The following PACRG variants were observed in gnomAD, a reference collection of about 807,000 sequenced individuals.
The protein encoded by PACRG is parkin coregulated.
Under a neutral mutation model 29.7 loss-of-function variants are expected in PACRG, and 29 were observed. The observed-to-expected ratio is 0.98, with a 90% CI of 0.73 to 1.33. PACRG has a LOEUF of 1.33. Ranked by LOEUF, PACRG falls within the 40% of genes most tolerant of loss-of-function variation. The pLI is 0.00. For synonymous variants in PACRG, 116 were observed against 118.7 expected (o/e 0.98, Z 0.15); for missense variants, 279 against 316.2 (o/e 0.88, Z 0.89).
At position 162,844,391 on chromosome 6, in the gene PACRG, C is replaced by T. The variant is rs79749516; in HGVS notation, c.291+30110C>T. On this transcript the variant is annotated intron_variant, in intron 2 of 4. Coordinates refer to ENST00000366888, the MANE Select transcript of PACRG (RefSeq NM_001080379.2). Reference sequence around the variant, plus strand: ...TGAGTCCGTCACCCCTCTCTGACTCCGAAGGGGAACTCCCTGACCCCTTGC... The same window carrying T: ...TGAGTCCGTCACCCCTCTCTGACTCTGAAGGGGAACTCCCTGACCCCTTGC... Among the ~76,000 whole-genome samples the T allele has an allele frequency of 3.9e-3, 599 of 152,296 alleles. 4 individuals are homozygous for T. The highest frequency in any genetic ancestry group is 0.012 in the African/African-American group (515 of 41,572).
chr6:163,201,820 A>G (rs1329763109), intron 4 of PACRG, among the ~76,000 whole-genome samples: 2 of 152,232 alleles, frequency 1.3e-5, no homozygotes. Context: ...CTCGAGGGCC[A>G]TTGACACAGT....
chr6:163,247,835 C>T (rs935087957), intron 4 of PACRG, among the ~76,000 whole-genome samples: 1 of 152,196 alleles, frequency 6.6e-6, no homozygotes, highest in Non-Finnish European at 1.5e-5. Flanking sequence ...GCACCTACCC[C>T]CAACTTCAAT....
At chr6:163,152,339 C>G (rs1367148306) in intron 4 of PACRG, among the ~76,000 whole-genome samples, 1 of 152,146 alleles carries the variant, frequency 6.6e-6, no homozygotes, top group Non-Finnish European at 1.5e-5. Context: ...AAACTTCTCT[C>G]GAAATCCTGT....
intron 3 of PACRG, among the ~76,000 whole-genome samples, chr6:163,075,946 G>A (rs1258262324): frequency 6.6e-6 from 1 of 152,162 alleles, no homozygotes; most frequent in Non-Finnish European, 1.5e-5. Context: ...AGTTGTTGCT[G>A]GTTCAGTACC....
intron 3 of PACRG, among the ~76,000 whole-genome samples, chr6:163,066,601 A>G (rs1811567626): frequency 6.6e-6 from 1 of 152,244 alleles, no homozygotes. Flanking sequence ...AAGTCAATGC[A>G]GAAGATAAAG....
At chr6:162,729,803 C>A (rs1779611397) in intron 1 of PACRG, among the ~76,000 whole-genome samples, 1 of 151,692 alleles carries the variant, frequency 6.6e-6, no homozygotes, top group Non-Finnish European at 1.5e-5. Flanking sequence ...TATAATCTTA[C>A]ACCTAAAGAG....
intron 2 of PACRG, among the ~76,000 whole-genome samples, chr6:162,906,006 G>C (rs978121090): frequency 6.6e-6 from 1 of 152,056 alleles, no homozygotes; most frequent in African/African-American, 2.4e-5. Flanking sequence ...TTTTCCTATC[G>C]AAGTTAGAAT....
intron 4 of PACRG, among the ~76,000 whole-genome samples, chr6:163,284,615 G>A (rs943184692): frequency 2.6e-5 from 4 of 152,162 alleles, no homozygotes; most frequent in African/African-American, 7.2e-5. Flanking sequence ...AAATAAAACC[G>A]GTATTGAAAC....
intron 2 of PACRG, among the ~76,000 whole-genome samples, chr6:162,987,627 T>C (rs184858796): frequency 1.3e-5 from 2 of 152,202 alleles, no homozygotes; most frequent in East Asian, 3.9e-4. Context: ...GCCATGATTA[T>C]GAAGCTTCCT....
intron 2 of PACRG, among the ~76,000 whole-genome samples, chr6:163,043,507 G>A (rs992797270): frequency 6.6e-6 from 1 of 151,782 alleles, no homozygotes. Flanking sequence ...AGCCGAGATC[G>A]CACCACTGCA....
intron 2 of PACRG, among the ~76,000 whole-genome samples, chr6:162,841,851 G>C (rs1235362818): frequency 1.3e-5 from 2 of 151,782 alleles, no homozygotes; most frequent in East Asian, 3.9e-4. Context: ...ATTTCGTTAT[G>C]TATCCAGTAG....
chr6:162,886,551 A>G (rs1794350746), intron 2 of PACRG, among the ~76,000 whole-genome samples: 1 of 152,248 alleles, frequency 6.6e-6, no homozygotes, highest in Non-Finnish European at 1.5e-5. Context: ...TTGATGTGGC[A>G]GCAGCAACAT....
At chr6:162,772,792 G>A (rs938593674) in intron 1 of PACRG, among the ~76,000 whole-genome samples, 14 of 152,196 alleles carry the variant, frequency 9.2e-5, no homozygotes, top group Non-Finnish European at 1.6e-4. Flanking sequence ...TCCAAAAGAG[G>A]TGGCAGGAAT....
intron 4 of PACRG, among the ~76,000 whole-genome samples, chr6:163,283,989 T>G (rs1195705991): frequency 6.6e-6 from 1 of 152,016 alleles, no homozygotes; most frequent in African/African-American, 2.4e-5. Flanking sequence ...GGTGCATGCC[T>G]GTAATCCCAG....
rs115387005 is a variant in PACRG, at chr6:163,241,677, G to T, written c.614-73150G>T. ...AGTTTGGTCTGGGTAGATGTGGGGGGTGATCTGAGTTGAGGTACATGTTTA... is the reference window on the plus strand; with the variant it reads ...AGTTTGGTCTGGGTAGATGTGGGGGTTGATCTGAGTTGAGGTACATGTTTA... On this transcript the variant is annotated intron_variant, in intron 4 of 4. Transcript: ENST00000366888. Among the ~76,000 whole-genome samples the T allele has an allele frequency of 4.9e-3, 743 of 152,304 alleles. 3 individuals carry two copies. The highest frequency in any genetic ancestry group is 0.017 in the African/African-American group (722 of 41,558).
chr6:163,217,739 T>C (rs1781419529), intron 4 of PACRG, among the ~76,000 whole-genome samples: 1 of 152,046 alleles, frequency 6.6e-6, no homozygotes, highest in South Asian at 2.1e-4. Context: ...GTGAACTGTG[T>C]TGTGAACTGT....
Position 162,870,701 on chromosome 6 carries a change from C to T in PACRG, c.291+56420C>T, listed in dbSNP as rs143319931. Reference sequence around the variant, plus strand: ...TTCTTCTAAATGTGCTCTGGTTTATCCATATATTATTGGAAATAAAGCCAC... The same window carrying T: ...TTCTTCTAAATGTGCTCTGGTTTATTCATATATTATTGGAAATAAAGCCAC... On this transcript the variant is annotated intron_variant, in intron 2 of 4. Coordinates refer to ENST00000366888, the MANE Select transcript of PACRG (RefSeq NM_001080379.2). Among the ~76,000 whole-genome samples, 732 of 152,242 alleles carry T rather than the reference C, an allele frequency of 4.8e-3. 11 individuals carry two copies. The highest frequency in any genetic ancestry group is 0.017 in the African/African-American group (700 of 41,522).
chr6:162,957,167 T>C, intron 2 of PACRG: 1 of 241,562 alleles, frequency 4.1e-6, no homozygotes, highest in African/African-American at 2.2e-5. Context: ...GCCTCCCTGG[T>C]CTCAGGGTCC....
chr6:162,880,419 T>C (rs2128012387), intron 2 of PACRG, among the ~76,000 whole-genome samples: 1 of 152,326 alleles, frequency 6.6e-6, no homozygotes, highest in South Asian at 2.1e-4. Flanking sequence ...CATGTATTTC[T>C]GCTTATTATA....
Sources: gnomAD v4.1 joint callset for allele counts (sites outside exome capture counted in the v4.1 genomes callset) on GRCh38, gnomAD v4.1.1 for gene constraint, MANE v1.5 for transcripts, NCBI Gene and HGNC (gene_info 2026-07-23, HGNC 2026-07-21) for gene names.